NELFB: variants seen among roughly 807,000 people sequenced by gnomAD.
The protein encoded by NELFB is negative elongation factor B.
A neutral mutation model predicts 60.2 loss-of-function variants in NELFB; 34 were observed. The ratio of observed to expected loss-of-function variants is 0.56; its 90% CI spans 0.43 to 0.75. The LOEUF (loss-of-function observed/expected upper bound fraction) is 0.75. NELFB is among the 30% of genes least tolerant of loss of function. NELFB has a pLI of 0.00. For synonymous variants in NELFB, 459 were observed against 382.1 expected (o/e 1.20, Z -2.35); for missense variants, 770 against 831.6 (o/e 0.93, Z 0.91).
Position 137,267,066 on chromosome 9 carries a change from A to G in NELFB, c.1362A>G (p.Thr454=). Residue 454 remains threonine (T), a synonymous_variant, in exon 9 of 13, where the codon ACA becomes ACG. Coordinates refer to ENST00000343053, the MANE Select transcript of NELFB (RefSeq NM_015456.5). Reference sequence around the variant, plus strand: ...AAGCCCCAGTCTCATATCCAAACACACTTCCCGAAAGCTTCACTAAGTACG... The same window carrying G: ...AAGCCCCAGTCTCATATCCAAACACGCTTCCCGAAAGCTTCACTAAGTACG... 6.2e-7 allele frequency: 1 copy of G among 1,613,994 alleles called. No individual in the cohort carries two copies. The highest frequency in any genetic ancestry group is 1.1e-5 in the South Asian group (1 of 91,090).
chr9:137,256,141 A>G (rs1837547312), intron 2 of NELFB, 71 bp downstream of exon 2: 3 of 1,527,618 alleles, frequency 2.0e-6, no homozygotes, highest in Admixed American at 3.4e-5. Context: ...ACTCAGGGGC[A>G]TTTATTGTCC....
chr9:137,255,621 C>A lies in NELFB; in HGVS notation c.246+10C>A, dbSNP rs1168941994. 1 of 1,542,728 alleles carries A rather than the reference C, an allele frequency of 6.5e-7. No homozygotes were observed. Among genetic ancestry groups the A allele is most frequent in the East Asian group, 2.5e-5 (1 of 40,734 alleles). On this transcript the variant is annotated intron_variant, in intron 1 of 12. Coordinates refer to ENST00000343053, the MANE Select transcript of NELFB (RefSeq NM_015456.5). ...CATCGAGCAGTTCCAGGTGGGGCGG[C>A]CCCCGGGGCGGGGGGAGCCCAGTTG...
intron 4 of NELFB, among the ~76,000 whole-genome samples, chr9:137,259,902 T>A (rs1830409462): frequency 6.9e-6 from 1 of 145,534 alleles, no homozygotes; most frequent in African/African-American, 2.5e-5. Context: ...TTTTTTGTAT[T>A]TTTTTTTTTA....
chr9:137,271,480 C>G (rs1004107596), intron 10 of NELFB, among the ~76,000 whole-genome samples: 14 of 152,276 alleles, frequency 9.2e-5, no homozygotes, highest in African/African-American at 3.4e-4. Context: ...TGTGCTGGCT[C>G]TTGGCAAATG....
At chr9:137,266,465 G>A in intron 8 of NELFB, 39 bp downstream of exon 8, 6 of 1,576,528 alleles carry the variant, frequency 3.8e-6, no homozygotes, top group South Asian at 2.2e-5. Context: ...TTTCCTACGA[G>A]GGGTTGTGGG....
rs777685019 is a variant in NELFB, at chr9:137,256,982, T to G, written c.669T>G (p.Ala223=). 6 of 1,614,096 alleles carry G rather than the reference T, an allele frequency of 3.7e-6. No homozygotes were observed. The highest frequency in any genetic ancestry group is 1.6e-4 in the Middle Eastern group (1 of 6,062). The change falls in exon 4 of 13, where the codon GCT becomes GCG. Residue 223 remains alanine, a synonymous_variant. Transcript: ENST00000343053. ...AGTACATCCTGGAGAAGGAGAGCGC[T>G]CTCTTCAGTACAGAGCTCTCTGTCC...
In NELFB at chr9:137,255,939, G is replaced by A. The variant is rs1362839675; in HGVS notation, c.279G>A (p.Gln93=). ...ATGGTGTGCTGCTGCCATCTCTTCA[G>A]TCAGCCCTCCCCTTCTTGGACCTGC... Residue 93 remains glutamine, a synonymous_variant, in exon 2 of 13, where the codon CAG becomes CAA. Transcript: ENST00000343053. 6.2e-7 allele frequency: 1 copy of A among 1,614,058 alleles called. No homozygotes were observed. Among genetic ancestry groups the A allele is most frequent in the East Asian group, 2.2e-5 (1 of 44,886 alleles).
Position 137,255,615 on chromosome 9 carries a change from G to T in NELFB, c.246+4G>T, listed in dbSNP as rs1837537696. On this transcript the variant is annotated splice_donor_region_variant and intron_variant, in intron 1 of 12. Transcript: ENST00000343053. ...CAAGGCCATCGAGCAGTTCCAGGTGGGGCGGCCCCCGGGGCGGGGGGAGCC... is the reference window on the plus strand; with the variant it reads ...CAAGGCCATCGAGCAGTTCCAGGTGTGGCGGCCCCCGGGGCGGGGGGAGCC... 1.9e-6 allele frequency: 3 copies of T among 1,545,900 alleles called. No homozygotes were observed. The highest frequency in any genetic ancestry group is 2.4e-5 in the South Asian group (2 of 83,862).
In NELFB at chr9:137,272,783, G is replaced by T; in HGVS notation, c.1742G>T (p.Ser581Ile). 4 of 1,546,694 alleles carry T rather than the reference G, an allele frequency of 2.6e-6. No homozygotes were observed. Among genetic ancestry groups the T allele is most frequent in the Non-Finnish European group, 3.5e-6 (4 of 1,144,544 alleles). ...GCCCCATGGTGTGGTTCCCCGCAGA[G>T]CGGAGAGGCAGTGAAGGAGCTTTAC... Residue 581 changes from serine to isoleucine, a missense_variant and splice_region_variant, in exon 13 of 13, where the codon AGC (serine) becomes ATC (isoleucine). Physicochemically the swap from Ser to Ile is moderately radical, Grantham distance 142. Transcript: ENST00000343053.
Position 137,255,432 on chromosome 9 carries a change from T to G in NELFB, c.67T>G (p.Ser23Ala). The G allele has an allele frequency of 1.5e-6, 2 of 1,315,544 alleles. No individual in the cohort carries two copies. The highest frequency in any genetic ancestry group is 2.0e-6 in the Non-Finnish European group (2 of 990,800). 81.5% of individuals were successfully genotyped at this position (1,315,544 alleles called of 1,614,324 possible). The change falls in exon 1 of 13, where the codon TCT (serine) becomes GCT (alanine). Residue 23 changes from serine to alanine, a missense_variant. By Grantham distance (99) the Ser-to-Ala change is moderately conservative. Transcript: ENST00000343053. ...TCCCCGAGGCCCGGCGGAGCGGGCTTCTGGGGTGTCTGCGGCGGCGCCGGG... is the reference window on the plus strand; with the variant it reads ...TCCCCGAGGCCCGGCGGAGCGGGCTGCTGGGGTGTCTGCGGCGGCGCCGGG...
rs886912476 is a variant in NELFB at position 137,255,332 on chromosome 9, C to T, written c.-34C>T. On this transcript the variant is annotated 5_prime_UTR_variant, in exon 1 of 13. Transcript: ENST00000343053. ...GGTGCGGGGCGGAAGTGGGCGGCTG[C>T]GGGACGCGCGCGGAGTCGCGCGGCG... 6.4e-5 allele frequency: 22 copies of T among 341,734 alleles called. No homozygotes were observed. The highest frequency in any genetic ancestry group is 4.6e-4 in the African/African-American group (21 of 45,644). The allele number at this position is 341,734 out of a possible 1,614,324, so 21.2% of individuals were successfully genotyped here.
chr9:137,255,860 G>T, intron 1 of NELFB, 47 bp from the exon 2 acceptor site: 2 of 1,600,386 alleles, frequency 1.2e-6, no homozygotes, highest in Non-Finnish European at 8.5e-7. Context: ...ACCTCGGGGT[G>T]CCCGGGCGCA....
Position 137,273,084 on chromosome 9 carries a change from T to A in NELFB, c.*156T>A. 1 of 811,692 alleles carries A rather than the reference T, an allele frequency of 1.2e-6. No homozygotes were observed. The highest frequency in any genetic ancestry group is 1.8e-6 in the Non-Finnish European group (1 of 551,356). 50.3% of individuals were successfully genotyped at this position (811,692 alleles called of 1,614,324 possible). A position where few individuals can be genotyped will look rare whatever the true frequency, so the allele number is the denominator to read the frequency against. Reference sequence around the variant, plus strand: ...TCATGGCCCCCTGCTTCCTGCTCCTTGGAGCTGGCTCCCGGACCTTGCCCA... The same window carrying A: ...TCATGGCCCCCTGCTTCCTGCTCCTAGGAGCTGGCTCCCGGACCTTGCCCA... On this transcript the variant is annotated 3_prime_UTR_variant, in exon 13 of 13. Coordinates refer to ENST00000343053, the MANE Select transcript of NELFB (RefSeq NM_015456.5).
chr9:137,255,515 C>T lies in NELFB; in HGVS notation c.150C>T (p.Phe50=). 2 of 1,537,986 alleles carry T rather than the reference C, an allele frequency of 1.3e-6. No individual in the cohort carries two copies. The highest frequency in any genetic ancestry group is 2.6e-5 in the East Asian group (1 of 39,002). The change falls in exon 1 of 13, where the codon TTC becomes TTT. Residue 50 remains phenylalanine, a synonymous_variant. Transcript: ENST00000343053. ...CGGTGGCCGGGGCCTCGGCCATGTTCGCGGGGCTGCAGGACCTGGGCGTGG... is the reference window on the plus strand; with the variant it reads ...CGGTGGCCGGGGCCTCGGCCATGTTTGCGGGGCTGCAGGACCTGGGCGTGG...
At chr9:137,262,455 C>T (rs960687074) in intron 4 of NELFB, among the ~76,000 whole-genome samples, 12 of 152,132 alleles carry the variant, frequency 7.9e-5, no homozygotes, top group African/African-American at 2.4e-4. Flanking sequence ...CACTATGTCC[C>T]CTCAGCTCCT....
intron 5 of NELFB, 118 bp from the exon 6 acceptor site, chr9:137,264,127 G>A (rs1425243432): frequency 8.3e-6 from 6 of 720,020 alleles, no homozygotes; most frequent in Non-Finnish European, 1.4e-5. Flanking sequence ...GCCTGCTGCC[G>A]CCCCCCGCAG....
intron 1 of NELFB, 114 bp downstream of exon 1, chr9:137,255,725 C>T: frequency 7.0e-6 from 10 of 1,430,066 alleles, no homozygotes; most frequent in Non-Finnish European, 9.5e-7. Context: ...GTGGCTGAGT[C>T]CTGTTCTGGG....
chr9:137,271,511 T>G (rs545338053), intron 10 of NELFB, among the ~76,000 whole-genome samples: 6 of 152,412 alleles, frequency 3.9e-5, no homozygotes, highest in Admixed American at 3.9e-4. Flanking sequence ...CCGTGGCTTC[T>G]GTGCTGTGGT....
At position 137,272,085 on chromosome 9, in the gene NELFB, G is replaced by A. The variant is rs141263630; in HGVS notation, c.1494G>A (p.Glu498=). The change falls in exon 11 of 13, where the codon GAG becomes GAA. Residue 498 remains glutamate, a synonymous_variant. Transcript: ENST00000343053. ...TGATGCCTGCTGTGTCTGCAGTGGA[G>A]ACCTTTGGCGACTTGGCCTTTGGCG... The A allele has an allele frequency of 7.8e-5, 126 of 1,614,180 alleles. No individual in the cohort carries two copies. In the African/African-American group the frequency reaches 1.5e-3, roughly 19 times the overall value.
Sources: allele counts gnomAD v4.1 joint callset (sites outside exome capture counted in the v4.1 genomes callset), GRCh38; gene constraint gnomAD v4.1.1; transcripts MANE v1.5; gene names NCBI Gene and HGNC (gene_info 2026-07-23, HGNC 2026-07-21).